The following SNAP47 variants were observed in gnomAD, a reference collection of about 807,000 sequenced individuals.
SNAP47 encodes synaptosome associated protein 47.
Under a neutral mutation model 31.4 loss-of-function variants are expected in SNAP47, and 20 were observed. The observed-to-expected ratio is 0.64, with a 90% CI of 0.45 to 0.93. The LOEUF (loss-of-function observed/expected upper bound fraction) is 0.93. Among genes scored for constraint, SNAP47 ranks in the 40% least tolerant of loss-of-function variants. The pLI, the probability that SNAP47 is intolerant of heterozygous loss-of-function variation, is 0.00. For missense variants in SNAP47, 492 were observed against 528.5 expected (o/e 0.93, Z 0.68); for synonymous variants, 194 against 213.4 (o/e 0.91, Z 0.79).
At chr1:227,735,807 GT>G in intron 1 of SNAP47, 1 of 825,718 alleles carries the variant, frequency 1.2e-6, no homozygotes, top group Non-Finnish European at 1.5e-6. Context: ...GGAGGAGATG[GT>G]GGGGACCTGG....
chr1:227,768,532 G>C (rs1462929254), intron 4 of SNAP47, among the ~76,000 whole-genome samples: 1 of 152,208 alleles, frequency 6.6e-6, no homozygotes, highest in Non-Finnish European at 1.5e-5. Context: ...CTCCTTTGAG[G>C]CCAGCTTGTT....
chr1:227,732,949 G>A (rs772858677), upstream of SNAP47: 1 of 1,613,268 alleles, frequency 6.2e-7, no homozygotes, highest in South Asian at 1.1e-5. Flanking sequence ...ACGGCGCATA[G>A]CTCCTGCTGC....
intron 3 of SNAP47, among the ~76,000 whole-genome samples, 163 bp from the exon 4 acceptor site, chr1:227,766,796 G>T (rs1053201992): frequency 6.6e-6 from 1 of 152,222 alleles, no homozygotes; most frequent in South Asian, 2.1e-4. Flanking sequence ...ATCCTTCGGG[G>T]CCGGGTGGCA....
intron 2 of SNAP47, among the ~76,000 whole-genome samples, chr1:227,751,179 C>T (rs552098308): frequency 5.7e-4 from 87 of 152,276 alleles, no homozygotes; most frequent in African/African-American, 1.9e-3. Context: ...AAGAAGAGCC[C>T]GCCCTGTGTC....
At chr1:227,751,744 G>GTTTTTTTTTTTTTT (rs540732076) in intron 2 of SNAP47, among the ~76,000 whole-genome samples, 4 of 69,196 alleles carry the variant, frequency 5.8e-5, no homozygotes, top group African/African-American at 1.7e-4. Flanking sequence ...TAAAGACTTG[G>GTTTTTTTTTTTTTT]TTTTTTTTTT....
At chr1:227,735,161 G>C (rs775519701), upstream of SNAP47, 1 of 1,580,720 alleles carries the variant, frequency 6.3e-7, no homozygotes, top group African/African-American at 1.4e-5. Context: ...GTAGGAGAAG[G>C]CGCCCGGCTC....
chr1:227,780,082 C>T (rs1413253302), intron 4 of SNAP47, among the ~76,000 whole-genome samples: 2 of 152,182 alleles, frequency 1.3e-5, no homozygotes, highest in African/African-American at 4.8e-5. Flanking sequence ...CAGTTAGGGA[C>T]CCACATGCAG....
chr1:227,733,984 G>A (rs928570981), upstream of SNAP47: 8 of 1,613,782 alleles, frequency 5.0e-6, no homozygotes, highest in African/African-American at 2.7e-5. Context: ...TCAGCCAGTC[G>A]GACGAGAAGT....
At chr1:227,735,221 A>G, upstream of SNAP47, 1 of 1,592,882 alleles carries the variant, frequency 6.3e-7, no homozygotes, top group Non-Finnish European at 8.5e-7. Context: ...GGGGACATCG[A>G]CCCCCAGGCC....
At chr1:227,731,288 C>T (rs930985666), upstream of SNAP47, 3 of 152,340 alleles carry the variant, frequency 2.0e-5, no homozygotes, top group Admixed American at 6.5e-5. Context: ...ACAGAGCAGA[C>T]AGAAACCCCT....
intron 4 of SNAP47, among the ~76,000 whole-genome samples, chr1:227,778,267 G>A (rs554572408): frequency 6.6e-6 from 1 of 152,274 alleles, no homozygotes; most frequent in African/African-American, 2.4e-5. Context: ...AAATAGTGGT[G>A]TCTCCTGATA....
At chr1:227,731,421 G>C (rs1660638781), upstream of SNAP47, 1 of 152,266 alleles carries the variant, frequency 6.6e-6, no homozygotes, top group South Asian at 2.1e-4. Flanking sequence ...CTCCCCTGCT[G>C]GGGTGAGGCA....
chr1:227,740,051 GCCTTGCGGC>G (rs2102892828), intron 1 of SNAP47, among the ~76,000 whole-genome samples: 1 of 152,396 alleles, frequency 6.6e-6, no homozygotes, highest in East Asian at 1.9e-4. Context: ...TGTGTAGCGG[GCCTTGCGGC>G]CCTCCCATGA....
intron 4 of SNAP47, among the ~76,000 whole-genome samples, chr1:227,769,038 C>A (rs1406664536): frequency 4.6e-5 from 7 of 152,244 alleles, no homozygotes; most frequent in African/African-American, 1.7e-4. Context: ...ATCAGACTCT[C>A]CTGTCACGTG....
In SNAP47 at chr1:227,778,182, G is replaced by A. The variant is rs554264459; in HGVS notation, c.1114-2345G>A. Among the ~76,000 whole-genome samples the A allele has an allele frequency of 3.9e-5, 6 of 152,364 alleles. No homozygotes were observed. The South Asian group carries it at 1.2e-3, about 32-fold the overall frequency. ...CCAGCCTAACAGTGGTCTGTATTATGGGCAGATTTTGTTTTATTCCTTAAC... is the reference window on the plus strand; with the variant it reads ...CCAGCCTAACAGTGGTCTGTATTATAGGCAGATTTTGTTTTATTCCTTAAC... On this transcript the variant is annotated intron_variant, in intron 4 of 4. Coordinates refer to ENST00000617596, the MANE Select transcript of SNAP47 (RefSeq NM_053052.4).
Position 227,741,122 on chromosome 1 carries a change from G to A in SNAP47, c.-46+5623G>A, listed in dbSNP as rs2102896651. Among the ~76,000 whole-genome samples, 1 of 152,282 alleles carries A rather than the reference G, an allele frequency of 6.6e-6. No homozygotes were observed. Among genetic ancestry groups the A allele is most frequent in the South Asian group, 2.1e-4 (1 of 4,820 alleles). On this transcript the variant is annotated intron_variant, in intron 1 of 4. Transcript: ENST00000617596. The surrounding 1 kb of genome is among the most constrained non-coding windows in gnomAD (Gnocchi z 4.2). ...GAAGGAATGTGAAGTTCAAGTGCCT[G>A]TTAGGGGTGGGGGCAGATCAGCGAG...
chr1:227,750,260 G>A (rs1662262238), intron 2 of SNAP47, among the ~76,000 whole-genome samples: 1 of 152,386 alleles, frequency 6.6e-6, no homozygotes, highest in South Asian at 2.1e-4. Context: ...GGGGCCAGCA[G>A]CTGGAGCCCC....
upstream of SNAP47, chr1:227,732,478 T>C (rs749747506): frequency 6.2e-7 from 1 of 1,613,300 alleles, no homozygotes; most frequent in Non-Finnish European, 8.5e-7. Flanking sequence ...GTGTCCACTC[T>C]CTGGAAGTCG....
rs780128655 is a variant in SNAP47, at chr1:227,759,436, C to T, written c.939C>T (p.Ser313=). 14 of 1,614,058 alleles carry T rather than the reference C, an allele frequency of 8.7e-6. No individual in the cohort carries two copies. The highest frequency in any genetic ancestry group is 5.0e-5 in the Admixed American group (3 of 60,008). The change falls in exon 3 of 5, where the codon AGC becomes AGT. Residue 313 remains serine, a synonymous_variant. Transcript: ENST00000617596. ...ELLEDALVLR[S]ARTSSPAEKS... Reference sequence around the variant, plus strand: ...TAGAAGATGCATTGGTGCTCAGAAGCGCAAGAACCTCTTCCCCCGCAGAGA... The same window carrying T: ...TAGAAGATGCATTGGTGCTCAGAAGTGCAAGAACCTCTTCCCCCGCAGAGA...
Sources: gnomAD v4.1 joint callset for allele counts (sites outside exome capture counted in the v4.1 genomes callset) on GRCh38, gnomAD v4.1.1 for gene constraint, Gnocchi (gnomAD v3.1) non-coding constraint, MANE v1.5 for transcripts, NCBI Gene and HGNC (gene_info 2026-07-23, HGNC 2026-07-21) for gene names.